CDON: variants seen among roughly 807,000 people sequenced by gnomAD.
CDON encodes cell adhesion associated, oncogene regulated, also known as cell adhesion molecule-related/down-regulated by oncogenes.
CDON carries 73 observed loss-of-function variants against 120.9 expected under a neutral mutation model. The observed-to-expected ratio is 0.60, with a 90% CI of 0.50 to 0.73. The LOEUF (loss-of-function observed/expected upper bound fraction) is 0.73, where lower values mean the gene tolerates loss of function less well. Among genes scored for constraint, CDON ranks in the 30% least tolerant of loss-of-function variants. The probability of loss-of-function intolerance (pLI) is 0.00; values close to 1 mark genes in which losing one functional copy is unlikely to be tolerated. For missense variants in CDON, 1,470 were observed against 1,587.3 expected (o/e 0.93, Z 1.26); for synonymous variants, 566 against 573.5 (o/e 0.99, Z 0.19).
intron 1 of CDON, among the ~76,000 whole-genome samples, chr11:126,037,497 T>C (rs572924933): frequency 6.6e-6 from 1 of 152,240 alleles, no homozygotes; most frequent in South Asian, 2.1e-4. Context: ...AGAGCAAAAA[T>C]ATATTGAGTA....
intron 1 of CDON, among the ~76,000 whole-genome samples, chr11:126,040,616 C>T (rs746255853): frequency 6.6e-5 from 10 of 150,668 alleles, no homozygotes; most frequent in South Asian, 2.1e-4. Context: ...GAGATCGAGA[C>T]CATCCTGGCT....
rs369825029 is a variant in CDON at position 126,021,297 on chromosome 11, G to A, written c.300C>T (p.Asn100=). 2 of 1,614,168 alleles carry A rather than the reference G, an allele frequency of 1.2e-6. No homozygotes were observed. The highest frequency in any genetic ancestry group is 1.7e-6 in the Non-Finnish European group (2 of 1,180,012). ...CACTCACAATGGCACCGATGCTATT[G>A]TTGGCAAGGCACTGGTAGTAACCCA... ...SLLGYYQCLA[N]NSIGAIVSGP... The change falls in exon 3 of 20, where the codon AAC becomes AAT. Residue 100 remains asparagine, a synonymous_variant. Transcript: ENST00000531738.
chr11:126,022,671 A>C (rs7933120), intron 2 of CDON, among the ~76,000 whole-genome samples: 1 of 152,182 alleles, frequency 6.6e-6, no homozygotes, highest in Non-Finnish European at 1.5e-5. Context: ...CTTTTGGCTG[A>C]ATCTGGGGTG....
chr11:125,977,198 C>T (rs558327434), intron 18 of CDON, among the ~76,000 whole-genome samples: 7 of 152,280 alleles, frequency 4.6e-5, no homozygotes, highest in Admixed American at 2.0e-4. Flanking sequence ...AATTTAAATA[C>T]GTAACAAGCA....
chr11:125,992,733 C>G (rs977134224), intron 14 of CDON, among the ~76,000 whole-genome samples: 1 of 152,102 alleles, frequency 6.6e-6, no homozygotes, highest in Non-Finnish European at 1.5e-5. Flanking sequence ...AGGACTGCTA[C>G]AGTATTTTAA....
At chr11:125,984,463 G>A (rs747519828) in intron 15 of CDON, among the ~76,000 whole-genome samples, 4 of 152,190 alleles carry the variant, frequency 2.6e-5, no homozygotes, top group Admixed American at 1.3e-4. Flanking sequence ...TTGGGAGGCC[G>A]AGGTGAGCAG....
chr11:125,961,804 G>A lies in CDON; in HGVS notation c.3551C>T (p.Pro1184Leu), dbSNP rs370597894. The A allele has an allele frequency of 9.6e-5, 155 of 1,614,168 alleles. No homozygotes were observed. In the South Asian group the frequency reaches 1.6e-3, roughly 17 times the overall value. ...ESVKDNVEPV[P>L]TQRTCCQDIV... ...GTCCTGACAGCAGGTACGCTGAGTA[G>A]GGACTGGTTCCACATTGTCCTTGAC... is the stretch of plus-strand genomic sequence containing the variant. Residue 1184 changes from proline (P) to leucine (L), a missense_variant, in exon 19 of 20, where the codon CCT (proline) becomes CTT (leucine). Coordinates refer to ENST00000531738, the MANE Select transcript of CDON (RefSeq NM_001378964.1).
intron 18 of CDON, among the ~76,000 whole-genome samples, chr11:125,963,485 T>A (rs1246231936): frequency 6.6e-6 from 1 of 152,162 alleles, no homozygotes; most frequent in Non-Finnish European, 1.5e-5. Flanking sequence ...GGCTGATATG[T>A]TTCTGGGGCA....
intron 1 of CDON, among the ~76,000 whole-genome samples, chr11:126,037,517 A>G (rs994654353): frequency 1.4e-4 from 21 of 152,202 alleles, no homozygotes; most frequent in African/African-American, 4.8e-4. Flanking sequence ...ACCTATATTC[A>G]AAGTAGTTAG....
rs530704178 is a variant in CDON at position 126,052,121 on chromosome 11, A to AAAAC, written c.-62+10457_-62+10458insGTTT. On this transcript the variant is annotated intron_variant, in intron 1 of 19. Transcript: ENST00000531738. ...AAAACAAAACAAAACAAAACAAAAC[A>AAAAC]AAAAAAACTTTAGCTCTAAATGTAT... 4.2e-4 allele frequency among the ~76,000 whole-genome samples: 51 copies of AAAAC among 120,522 alleles called. 2 individuals are homozygous for AAAAC. In the South Asian group the frequency reaches 0.012, roughly 28 times the overall value. 79.1% of individuals were successfully genotyped at this position (120,522 alleles called of 152,430 possible).
intron 18 of CDON, among the ~76,000 whole-genome samples, chr11:125,974,305 G>A (rs1280009122): frequency 1.3e-5 from 2 of 148,924 alleles, no homozygotes; most frequent in Non-Finnish European, 3.0e-5. Flanking sequence ...TACCTAGTTT[G>A]GTGCTTGGCT....
At chr11:126,013,877 CTAAT>C (rs1947380046) in intron 7 of CDON, among the ~76,000 whole-genome samples, 1 of 151,858 alleles carries the variant, frequency 6.6e-6, no homozygotes, top group African/African-American at 2.4e-5. Flanking sequence ...TTTAGTCTTA[CTAAT>C]TTTCTTTTAC....
In CDON at chr11:126,039,877, C is replaced by G. The variant is rs909451593; in HGVS notation, c.-61-16340G>C. On this transcript the variant is annotated intron_variant, in intron 1 of 19. Transcript: ENST00000531738. ...TGTCTCAGAGGCAGGACCCTTATCA[C>G]AAGCAGCCCTACATTCCACTCGAAA... Among the ~76,000 whole-genome samples the G allele has an allele frequency of 7.9e-5, 12 of 152,172 alleles. No homozygotes were observed. The South Asian group carries it at 1.0e-3, about 13-fold the overall frequency.
chr11:125,971,189 C>T (rs776061280), intron 18 of CDON, among the ~76,000 whole-genome samples: 7 of 152,076 alleles, frequency 4.6e-5, no homozygotes, highest in East Asian at 3.9e-4. Context: ...CAAGACCATC[C>T]TGGCTAACAC....
intron 1 of CDON, among the ~76,000 whole-genome samples, chr11:126,036,767 C>T (rs1180750961): frequency 2.0e-5 from 3 of 152,196 alleles, no homozygotes; most frequent in East Asian, 3.9e-4. Context: ...TGGCTCACTG[C>T]AACCTCTGCC....
intron 8 of CDON, among the ~76,000 whole-genome samples, chr11:126,009,980 A>T (rs1947243879): frequency 6.6e-6 from 1 of 152,224 alleles, no homozygotes; most frequent in Non-Finnish European, 1.5e-5. Context: ...AATGAAGGCC[A>T]GTCCTTTAGA....
intron 15 of CDON, among the ~76,000 whole-genome samples, chr11:125,985,361 C>T (rs1946431333): frequency 1.3e-5 from 2 of 152,208 alleles, no homozygotes; most frequent in East Asian, 3.9e-4. Flanking sequence ...ATTTTTAGTA[C>T]AGACAGGGTC....
At chr11:126,021,141 C>A in intron 3 of CDON, 107 bp downstream of exon 3, 1 of 1,200,492 alleles carries the variant, frequency 8.3e-7, no homozygotes, top group South Asian at 1.3e-5. Context: ...ATAAAAACTC[C>A]TATATGCTTT....
Position 125,958,478 on chromosome 11 carries a change from T to C in CDON, c.*2464A>G, listed in dbSNP as rs149101172. 6.6e-6 allele frequency: 1 copy of C among 151,902 alleles called. No homozygotes were observed. The highest frequency in any genetic ancestry group is 2.4e-5 in the African/African-American group (1 of 41,444). 9.4% of individuals were successfully genotyped at this position (151,902 alleles called of 1,614,324 possible). A position where few individuals can be genotyped will look rare whatever the true frequency, so the allele number is the denominator to read the frequency against. On this transcript the variant is annotated 3_prime_UTR_variant, in exon 20 of 20. Coordinates refer to ENST00000531738, the MANE Select transcript of CDON (RefSeq NM_001378964.1). ...TGAAGTGACATTAGGTAGGACTGTTTGGGTGCCTGTGCAGGGCAGAGCCAA... is the reference window on the plus strand; with the variant it reads ...TGAAGTGACATTAGGTAGGACTGTTCGGGTGCCTGTGCAGGGCAGAGCCAA...
Sources: gnomAD v4.1 joint callset for allele counts (sites outside exome capture counted in the v4.1 genomes callset) on GRCh38, gnomAD v4.1.1 for gene constraint, MANE v1.5 for transcripts, NCBI Gene and HGNC (gene_info 2026-07-23, HGNC 2026-07-21) for gene names.